The following ABTB3 variants were observed in gnomAD, a reference collection of about 807,000 sequenced individuals.
ABTB3 encodes the protein ankyrin repeat- and BTB/POZ domain-containing protein 3.
the ABTB3 span, among the ~76,000 whole-genome samples, chr12:107,388,132 C>A: frequency 6.6e-6 from 1 of 152,138 alleles, no homozygotes; most frequent in South Asian, 2.1e-4. Flanking sequence ...GCCACCACAC[C>A]TGCTAATTTT....
At chr12:107,362,805 ATAGC>A in the ABTB3 span, among the ~76,000 whole-genome samples, 1 of 151,878 alleles carries the variant, frequency 6.6e-6, no homozygotes, top group Non-Finnish European at 1.5e-5. Context: ...AAAAAAAAAG[ATAGC>A]TAATTTGTAC....
chr12:107,393,981 G>A, the ABTB3 span, among the ~76,000 whole-genome samples: 1 of 152,122 alleles, frequency 6.6e-6, no homozygotes, highest in Non-Finnish European at 1.5e-5. Flanking sequence ...GTGCAGAGAG[G>A]TGAGTTAACT....
chr12:107,610,363 GTCCGAGGGTCTGAACAGGC>G, the ABTB3 span: 1 of 1,613,714 alleles, frequency 6.2e-7, no homozygotes, highest in Non-Finnish European at 8.5e-7. Flanking sequence ...CAGGTACAGG[GTCCGAGGGTCTGAACAGGC>G]TCCCCACCTC....
At chr12:107,458,229 T>C in the ABTB3 span, among the ~76,000 whole-genome samples, 2 of 152,184 alleles carry the variant, frequency 1.3e-5, no homozygotes, top group East Asian at 3.9e-4. Context: ...TAAATGGCCT[T>C]TGTTATTTCA....
chr12:107,319,351 C>A, the ABTB3 span: 1 of 1,556,232 alleles, frequency 6.4e-7, no homozygotes, highest in Admixed American at 1.9e-5. Context: ...CGCTGGTGAG[C>A]CGGGCGCTGG....
At chr12:107,641,405 G>A in the ABTB3 span, among the ~76,000 whole-genome samples, 18 of 152,112 alleles carry the variant, frequency 1.2e-4, no homozygotes, top group African/African-American at 4.3e-4. Flanking sequence ...TATTATCTTT[G>A]CAACTCTTCT....
chr12:107,329,663 T>C, the ABTB3 span, among the ~76,000 whole-genome samples: 1 of 152,362 alleles, frequency 6.6e-6, no homozygotes, highest in Middle Eastern at 3.4e-3. Context: ...AACCTCTCTG[T>C]GACTCAGTCT....
At chr12:107,496,603 C>T in the ABTB3 span, among the ~76,000 whole-genome samples, 1 of 152,116 alleles carries the variant, frequency 6.6e-6, no homozygotes, top group African/African-American at 2.4e-5. Context: ...CTCTGAGTGG[C>T]TTAGATGAAT....
At chr12:107,564,435 C>A in the ABTB3 span, among the ~76,000 whole-genome samples, 9 of 152,262 alleles carry the variant, frequency 5.9e-5, no homozygotes, top group Admixed American at 2.0e-4. Context: ...TATTTAAAAG[C>A]AGCTGAAATT....
chr12:107,532,723 G>T, the ABTB3 span, among the ~76,000 whole-genome samples: 88 of 152,254 alleles, frequency 5.8e-4, no homozygotes, highest in East Asian at 0.015. Flanking sequence ...GCACATTATA[G>T]TCAAACTGTC....
chr12:107,614,182 C>T, the ABTB3 span, among the ~76,000 whole-genome samples: 1 of 152,092 alleles, frequency 6.6e-6, no homozygotes, highest in Non-Finnish European at 1.5e-5. Context: ...GAGAAAAGCT[C>T]CATGTGGGTG....
At chr12:107,543,590 G>A in the ABTB3 span, among the ~76,000 whole-genome samples, 1 of 152,154 alleles carries the variant, frequency 6.6e-6, no homozygotes, top group Non-Finnish European at 1.5e-5. Flanking sequence ...AGCAGTGTTG[G>A]CCACAACATA....
chr12:107,619,235 GA>G, the ABTB3 span, among the ~76,000 whole-genome samples: 3 of 152,154 alleles, frequency 2.0e-5, no homozygotes, highest in African/African-American at 7.2e-5. Flanking sequence ...TCGAGATTCC[GA>G]ATGGGCTACT....
the ABTB3 span, among the ~76,000 whole-genome samples, chr12:107,492,666 A>C: frequency 6.6e-6 from 1 of 152,166 alleles, no homozygotes; most frequent in Non-Finnish European, 1.5e-5. Flanking sequence ...TCTCCCCTGC[A>C]GAATGAGTTA....
At chr12:107,338,679 A>T in the ABTB3 span, among the ~76,000 whole-genome samples, 1 of 152,198 alleles carries the variant, frequency 6.6e-6, no homozygotes, top group Non-Finnish European at 1.5e-5. Flanking sequence ...ACTCTTGGAC[A>T]TATGAAGTTG....
chr12:107,371,964 C>T, the ABTB3 span, among the ~76,000 whole-genome samples: 2 of 152,158 alleles, frequency 1.3e-5, no homozygotes, highest in East Asian at 3.9e-4. Context: ...GCTCTCCTGT[C>T]CTGTAGGTAC....
At chr12:107,389,690 G>A in the ABTB3 span, among the ~76,000 whole-genome samples, 1 of 151,722 alleles carries the variant, frequency 6.6e-6, no homozygotes, top group African/African-American at 2.4e-5. Flanking sequence ...CAGCTGGATG[G>A]TTCTTCTGCT....
At chr12:107,532,440 G>A in the ABTB3 span, among the ~76,000 whole-genome samples, 2 of 152,210 alleles carry the variant, frequency 1.3e-5, no homozygotes, top group Admixed American at 6.5e-5. Context: ...ATTGACTACA[G>A]TGGAAGAAAT....
At chr12:107,452,911 G>A in the ABTB3 span, among the ~76,000 whole-genome samples, 2 of 152,178 alleles carry the variant, frequency 1.3e-5, no homozygotes, top group Non-Finnish European at 2.9e-5. Context: ...ATTACAAGTT[G>A]TAACAAGTGA....
Sources: gnomAD v4.1 joint callset for allele counts (sites outside exome capture counted in the v4.1 genomes callset) on GRCh38, gnomAD v4.1.1 for gene constraint, MANE v1.5 for transcripts, NCBI Gene and HGNC (gene_info 2026-07-23, HGNC 2026-07-21) for gene names.